Variants in PLA2G4D observed in about 807,000 individuals in gnomAD.
PLA2G4D encodes the protein cytosolic phospholipase A2 delta.
A neutral mutation model predicts 94.4 loss-of-function variants in PLA2G4D; 80 were observed. The ratio of observed to expected loss-of-function variants is 0.85; its 90% CI spans 0.71 to 1.02. The LOEUF is 1.02. PLA2G4D is among the 50% of genes least tolerant of loss of function. The pLI, the probability that PLA2G4D is intolerant of heterozygous loss-of-function variation, is 0.00. For missense variants in PLA2G4D, 1,050 were observed against 1,034.7 expected (o/e 1.01, Z -0.20); for synonymous variants, 438 against 440.9 (o/e 0.99, Z 0.08).
chr15:42,090,420 C>G (rs773539777), intron 1 of PLA2G4D, among the ~76,000 whole-genome samples: 1 of 152,162 alleles, frequency 6.6e-6, no homozygotes, highest in Non-Finnish European at 1.5e-5. Flanking sequence ...GAGCAGAGCT[C>G]GTATTTACAT....
At position 42,074,060 on chromosome 15, in the gene PLA2G4D, C is replaced by T. The variant is rs553121649; in HGVS notation, c.1318-1668G>A. 5.3e-5 allele frequency among the ~76,000 whole-genome samples: 8 copies of T among 152,264 alleles called. No homozygotes were observed. In the South Asian group the frequency reaches 1.7e-3, roughly 32 times the overall value. On this transcript the variant is annotated intron_variant, in intron 13 of 19. Coordinates refer to ENST00000290472, the MANE Select transcript of PLA2G4D (RefSeq NM_178034.4). ...CTTAGGTACAAATGTGTGTACGTGA[C>T]CCCTTCTCAAAATCTTTTTATTTAG... is the stretch of plus-strand genomic sequence containing the variant.
intron 19 of PLA2G4D, 61 bp from the exon 20 acceptor site, chr15:42,069,002 G>A (rs1234916119): frequency 1.4e-5 from 21 of 1,461,104 alleles, no homozygotes; most frequent in South Asian, 6.1e-5. Flanking sequence ...GCCTGGCAGC[G>A]GCGCACAGGG....
At chr15:42,073,752 C>T (rs1442200258) in intron 13 of PLA2G4D, among the ~76,000 whole-genome samples, 1 of 152,218 alleles carries the variant, frequency 6.6e-6, no homozygotes, top group Admixed American at 6.5e-5. Context: ...TAAAAACCCT[C>T]AGATGATCCT....
Position 42,071,116 on chromosome 15 carries a change from C to T in PLA2G4D, c.1876+7G>A, listed in dbSNP as rs1471011110. On this transcript the variant is annotated splice_region_variant and intron_variant, in intron 17 of 19. Coordinates refer to ENST00000290472, the MANE Select transcript of PLA2G4D (RefSeq NM_178034.4). ...GTGACCTAGGGACCCCTGGCCACGG[C>T]CCTGACCTGCCCAGGTGGAGAAGTC... is the stretch of plus-strand genomic sequence containing the variant. The T allele has an allele frequency of 1.9e-5, 31 of 1,608,232 alleles. No individual in the cohort carries two copies. Among genetic ancestry groups the T allele is most frequent in the Non-Finnish European group, 2.5e-5 (29 of 1,178,432 alleles).
intron 4 of PLA2G4D, 32 bp downstream of exon 4, chr15:42,086,181 G>A: frequency 6.6e-7 from 1 of 1,503,818 alleles, no homozygotes; most frequent in Non-Finnish European, 9.0e-7. Context: ...AAGAAGTGGG[G>A]CCCACGGGGA....
intron 3 of PLA2G4D, among the ~76,000 whole-genome samples, chr15:42,086,682 C>T (rs1458351579): frequency 6.6e-6 from 1 of 152,098 alleles, no homozygotes; most frequent in Non-Finnish European, 1.5e-5. Context: ...GAAACCCCAT[C>T]TCTACTAAAA....
At chr15:42,071,655 T>TCCCCCCCC in intron 15 of PLA2G4D, 104 bp from the exon 16 acceptor site, 69 of 1,178,940 alleles carry the variant, frequency 5.9e-5, no homozygotes, top group Middle Eastern at 2.7e-4. Flanking sequence ...CTACAATGCA[T>TCCCCCCCC]CCCCCCCGCC....
chr15:42,094,456 C>G lies in PLA2G4D; in HGVS notation c.4G>C (p.Glu2Gln). 1 of 1,614,114 alleles carries G rather than the reference C, an allele frequency of 6.2e-7. No individual in the cohort carries two copies. The change falls in exon 1 of 20, where the codon GAG (glutamate) becomes CAG (glutamine). Residue 2 changes from glutamate to glutamine, a missense_variant. Coordinates refer to ENST00000290472, the MANE Select transcript of PLA2G4D (RefSeq NM_178034.4). The stretch of plus-strand genomic sequence containing the variant: ...GGTGGTCCCCCAGGTGACAGGCTCT[C>G]CATGCTAGCCCTTCCAGCTTCACTC... MESLSPGGPPGH... is the reference protein window; with the variant it reads MQSLSPGGPPGH...
At chr15:42,092,415 A>G (rs1378525280) in intron 1 of PLA2G4D, among the ~76,000 whole-genome samples, 1 of 152,168 alleles carries the variant, frequency 6.6e-6, no homozygotes, top group Non-Finnish European at 1.5e-5. Context: ...TCTAGACACT[A>G]GATTTTCATA....
At chr15:42,083,975 A>C (rs1163277914) in intron 6 of PLA2G4D, 196 bp from the exon 7 acceptor site, 2 of 587,028 alleles carry the variant, frequency 3.4e-6, no homozygotes, top group Non-Finnish European at 6.1e-6. Flanking sequence ...ATTCCGCAGC[A>C]GCCAGGAGGG....
Position 42,081,086 on chromosome 15 carries a change from C to T in PLA2G4D, c.1005G>A (p.Met335Ile), listed in dbSNP as rs898894977. ...IMATGGGARA[M>I]TSLYGHLLAL... ...CCAATAGGTGGCCGTAGAGTGAGGT[C>T]ATGGCCCGGGCACCTCCTCCTGTGG... The change falls in exon 12 of 20, where the codon ATG becomes ATA. Residue 335 changes from methionine to isoleucine, a missense_variant. Met to Ile is a conservative substitution (Grantham distance 10). Transcript: ENST00000290472. The T allele has an allele frequency of 6.2e-7, 1 of 1,614,198 alleles. No homozygotes were observed. Among genetic ancestry groups the T allele is most frequent in the African/African-American group, 1.3e-5 (1 of 75,054 alleles).
chr15:42,072,428 G>A, intron 13 of PLA2G4D, 36 bp from the exon 14 acceptor site: 1 of 1,562,160 alleles, frequency 6.4e-7, no homozygotes, highest in Non-Finnish European at 8.8e-7. Flanking sequence ...AAGTGAGGCT[G>A]GGAGTACCCT....
chr15:42,093,251 C>G (rs1890275632), intron 1 of PLA2G4D, among the ~76,000 whole-genome samples: 1 of 152,246 alleles, frequency 6.6e-6, no homozygotes, highest in South Asian at 2.1e-4. Context: ...TGAATGCCAG[C>G]TGGAGGCGAG....
intron 12 of PLA2G4D, among the ~76,000 whole-genome samples, chr15:42,080,641 C>G (rs980787548): frequency 6.6e-6 from 1 of 152,176 alleles, no homozygotes; most frequent in South Asian, 2.1e-4. Context: ...CAGTCCCACG[C>G]GGTGTGTGCT....
At chr15:42,079,838 G>T in intron 12 of PLA2G4D, 79 bp from the exon 13 acceptor site, 9 of 1,415,976 alleles carry the variant, frequency 6.4e-6, no homozygotes, top group Non-Finnish European at 4.8e-6. Context: ...CCACTCGGCA[G>T]CTTCTCCTGA....
chr15:42,086,413 C>T (rs1181687208), intron 3 of PLA2G4D, 69 bp from the exon 4 acceptor site: 3 of 1,510,932 alleles, frequency 2.0e-6, no homozygotes, highest in East Asian at 4.5e-5. Flanking sequence ...TCTGTTGAGC[C>T]CTTACTTGAT....
At chr15:42,087,598 C>T in intron 2 of PLA2G4D, 30 bp downstream of exon 2, 1 of 1,613,616 alleles carries the variant, frequency 6.2e-7, no homozygotes, top group Non-Finnish European at 8.5e-7. Flanking sequence ...CCTCCCTGCT[C>T]CCGACAGAGC....
Position 42,070,815 on chromosome 15 carries a change from C to T in PLA2G4D, c.1945G>A (p.Ala649Thr), listed in dbSNP as rs765238528. The T allele has an allele frequency of 6.2e-6, 10 of 1,609,362 alleles. No individual in the cohort carries two copies. Among genetic ancestry groups the T allele is most frequent in the Non-Finnish European group, 7.6e-6 (9 of 1,177,968 alleles). The change falls in exon 18 of 20, where the codon GCC becomes ACC. Residue 649 changes from alanine (A) to threonine (T), a missense_variant. Transcript: ENST00000290472. ...GGAGAGCTGGTGTTGATGAAGTAGG[C>T]GGCGTCCACCAGGCAGAGCCGGGGC... is the stretch of plus-strand genomic sequence containing the variant. ...KEPRLCLVDA[A>T]YFINTSSPSM...
At position 42,083,178 on chromosome 15, in the gene PLA2G4D, G is replaced by T; in HGVS notation, c.672+20C>A. 3 of 1,608,172 alleles carry T rather than the reference G, an allele frequency of 1.9e-6. No individual in the cohort carries two copies. The highest frequency in any genetic ancestry group is 2.5e-6 in the Non-Finnish European group (3 of 1,177,622). The stretch of plus-strand genomic sequence containing the variant: ...TGCCCAAGCCTAGGATTGCAAACGA[G>T]GTCTAGAGCCAAGACCCACCCTCAG... On this transcript the variant is annotated intron_variant, in intron 8 of 19. Transcript: ENST00000290472.
Sources: gnomAD v4.1 joint callset for allele counts (sites outside exome capture counted in the v4.1 genomes callset) on GRCh38, gnomAD v4.1.1 for gene constraint, MANE v1.5 for transcripts, NCBI Gene and HGNC (gene_info 2026-07-23, HGNC 2026-07-21) for gene names.